Variants in UGT2B10 observed in about 807,000 individuals in gnomAD.
The protein encoded by UGT2B10 is UDP glucuronosyltransferase family 2 member B10.
A neutral mutation model predicts 43.7 loss-of-function variants in UGT2B10; 51 were observed. The ratio of observed to expected loss-of-function variants is 1.17; its 90% CI spans 0.93 to 1.47. UGT2B10 has a LOEUF of 1.47. Ranked by LOEUF, UGT2B10 falls within the 40% of genes most tolerant of loss-of-function variation. The pLI, the probability that UGT2B10 is intolerant of heterozygous loss-of-function variation, is 0.00. For synonymous variants in UGT2B10, 225 were observed against 209.0 expected (o/e 1.08, Z -0.66); for missense variants, 696 against 617.7 (o/e 1.13, Z -1.34).
chr4:68,831,031 G>C lies in UGT2B10; in HGVS notation c.*152G>C. 1 of 1,005,670 alleles carries C rather than the reference G, an allele frequency of 9.9e-7. No homozygotes were observed. The highest frequency in any genetic ancestry group is 1.4e-6 in the Non-Finnish European group (1 of 697,576). The allele number at this position is 1,005,670 out of a possible 1,614,324, so 62.3% of individuals were successfully genotyped here. On this transcript the variant is annotated 3_prime_UTR_variant, in exon 6 of 6. Coordinates refer to ENST00000265403, the MANE Select transcript of UGT2B10 (RefSeq NM_001075.6). ...TTGTCAAGTAAAAATTTGTTTTTCA[G>C]AGATTTACCACCCAGTTAATGGTTA...
chr4:68,822,635 G>A (rs879184587), intron 3 of UGT2B10, among the ~76,000 whole-genome samples: 4 of 152,032 alleles, frequency 2.6e-5, no homozygotes, highest in Non-Finnish European at 5.9e-5. Flanking sequence ...ATTCCTATTA[G>A]CATCAGTGGG....
chr4:68,819,904 A>G (rs1228334759), intron 2 of UGT2B10, among the ~76,000 whole-genome samples: 6 of 152,074 alleles, frequency 3.9e-5, no homozygotes, highest in South Asian at 2.1e-4. Context: ...TTATTATGCA[A>G]TCTCTTAAAA....
At chr4:68,828,908 T>C (rs192439126) in intron 5 of UGT2B10, among the ~76,000 whole-genome samples, 9 of 151,712 alleles carry the variant, frequency 5.9e-5, no homozygotes, top group African/African-American at 7.3e-5. Context: ...ATACTATTAC[T>C]AAAATATCTT....
Position 68,816,566 on chromosome 4 carries a change from A to C in UGT2B10, c.547A>C (p.Ser183Arg). Residue 183 changes from serine (S) to arginine (R), a missense_variant, in exon 1 of 6, where the codon AGT becomes CGT. By Grantham distance (110) the Ser-to-Arg change is moderately radical. Transcript: ENST00000265403. ...TCCTGGCTACTCATTTGAAAGGCACAGTGGAGGATTTATTTTCCCTCCTTC... is the reference window on the plus strand; with the variant it reads ...TCCTGGCTACTCATTTGAAAGGCACCGTGGAGGATTTATTTTCCCTCCTTC... The part of the protein sequence containing the change: ...FSPGYSFERH[S>R]GGFIFPPSYV... 6.2e-7 allele frequency: 1 copy of C among 1,613,152 alleles called. No individual in the cohort carries two copies. The highest frequency in any genetic ancestry group is 8.5e-7 in the Non-Finnish European group (1 of 1,179,396).
At position 68,829,231 on chromosome 4, in the gene UGT2B10, G is replaced by A. The variant is rs370298902; in HGVS notation, c.1308-1369G>A. Among the ~76,000 whole-genome samples, 367 of 152,100 alleles carry A rather than the reference G, an allele frequency of 2.4e-3. 6 individuals are homozygous for A. In the Middle Eastern group the frequency reaches 0.027, roughly 11 times the overall value. ...TTACACTAAAAAAAATAAACACTAA[G>A]GAGTACATATTATATAATTCAATTA... is the stretch of plus-strand genomic sequence containing the variant. On this transcript the variant is annotated intron_variant, in intron 5 of 5. Coordinates refer to ENST00000265403, the MANE Select transcript of UGT2B10 (RefSeq NM_001075.6).
intron 5 of UGT2B10, 22 bp downstream of exon 5, chr4:68,827,570 A>G: frequency 6.2e-7 from 1 of 1,612,690 alleles, no homozygotes; most frequent in Non-Finnish European, 8.5e-7. Flanking sequence ...AATATTTTTC[A>G]CTAGATGGTA....
chr4:68,828,402 G>A (rs933651044), intron 5 of UGT2B10, among the ~76,000 whole-genome samples: 1 of 151,558 alleles, frequency 6.6e-6, no homozygotes, highest in African/African-American at 2.4e-5. Flanking sequence ...TTTGTGTAAG[G>A]AGGGTATCAT....
intron 3 of UGT2B10, among the ~76,000 whole-genome samples, chr4:68,826,155 A>G (rs1004835902): frequency 7.2e-5 from 11 of 151,892 alleles, no homozygotes; most frequent in African/African-American, 2.7e-4. Flanking sequence ...AAGTATAAAA[A>G]TTTTCTAAAT....
intron 2 of UGT2B10, among the ~76,000 whole-genome samples, chr4:68,820,534 A>G (rs1737440187): frequency 6.6e-6 from 1 of 152,082 alleles, no homozygotes; most frequent in Non-Finnish European, 1.5e-5. Flanking sequence ...AATAATGATT[A>G]GAAACATATG....
rs757803082 is a variant in UGT2B10, at chr4:68,816,287, A to T, written c.268A>T (p.Met90Leu). ...TAAAACTGAATTTGAGAATATCATC[A>T]TGCAATTGGTTAAGAGATTGTCAGA... ...LTKTEFENII[M>L]QLVKRLSEIQ... is the part of the protein sequence containing the mutation. The change falls in exon 1 of 6, where the codon ATG (methionine) becomes TTG (leucine). Residue 90 changes from methionine to leucine, a missense_variant. Transcript: ENST00000265403. 2.5e-6 allele frequency: 4 copies of T among 1,613,184 alleles called. No homozygotes were observed. The highest frequency in any genetic ancestry group is 3.4e-6 in the Non-Finnish European group (4 of 1,179,442).
chr4:68,830,458 CAAATT>C, intron 5 of UGT2B10, 137 bp from the exon 6 acceptor site: 1 of 1,091,336 alleles, frequency 9.2e-7, no homozygotes. Flanking sequence ...TATGATGACT[CAAATT>C]AAAATACATA....
rs376847714 is a variant in UGT2B10, at chr4:68,822,421, C to T, written c.999+19C>T. The T allele has an allele frequency of 8.5e-4, 1,362 of 1,611,824 alleles. 4 individuals carry two copies. The highest frequency in any genetic ancestry group is 1.1e-3 in the South Asian group (97 of 90,810). ...ACAAAAGGTAAGATAAAGTGCCTTACTGGTGTGGAAAACTACTGAAAGAGG... is the reference window on the plus strand; with the variant it reads ...ACAAAAGGTAAGATAAAGTGCCTTATTGGTGTGGAAAACTACTGAAAGAGG... On this transcript the variant is annotated intron_variant, in intron 3 of 5. Transcript: ENST00000265403.
rs143010379 is a variant in UGT2B10, at chr4:68,827,418, C to T, written c.1177C>T (p.Pro393Ser). ...CCATGGGATCCCTATGGTGGGCATT[C>T]CATTGTTTTTTGATCAACCTGATAA... ...IYHGIPMVGI[P>S]LFFDQPDNIA... is the part of the protein sequence containing the mutation. The change falls in exon 5 of 6, where the codon CCA (proline) becomes TCA (serine). Residue 393 changes from proline to serine, a missense_variant. Pro to Ser is a moderately conservative substitution (Grantham distance 74). Coordinates refer to ENST00000265403, the MANE Select transcript of UGT2B10 (RefSeq NM_001075.6). The T allele has an allele frequency of 6.2e-7, 1 of 1,613,450 alleles. No individual in the cohort carries two copies. The highest frequency in any genetic ancestry group is 2.2e-5 in the East Asian group (1 of 44,832).
At chr4:68,822,152 C>A (rs1324438481) in intron 2 of UGT2B10, 119 bp from the exon 3 acceptor site, 21 of 1,423,410 alleles carry the variant, frequency 1.5e-5, no homozygotes, top group Non-Finnish European at 1.7e-5. Context: ...ATATTATTTA[C>A]TCCAATAATT....
chr4:68,829,478 T>C (rs1737973503), intron 5 of UGT2B10, among the ~76,000 whole-genome samples: 1 of 152,094 alleles, frequency 6.6e-6, no homozygotes, highest in Non-Finnish European at 1.5e-5. Flanking sequence ...CGTATATTTA[T>C]CTTTTGTATT....
intron 3 of UGT2B10, among the ~76,000 whole-genome samples, chr4:68,824,789 G>C (rs1737687101): frequency 6.6e-6 from 1 of 152,090 alleles, no homozygotes; most frequent in Non-Finnish European, 1.5e-5. Flanking sequence ...GTAGCACCTT[G>C]TCTAAGTGTT....
intron 3 of UGT2B10, among the ~76,000 whole-genome samples, chr4:68,823,756 C>A (rs993981426): frequency 5.9e-5 from 9 of 152,100 alleles, no homozygotes; most frequent in African/African-American, 1.9e-4. Context: ...TTTGGGAAAG[C>A]ACTAATTATC....
At chr4:68,829,792 G>A (rs1337326281) in intron 5 of UGT2B10, among the ~76,000 whole-genome samples, 2 of 152,062 alleles carry the variant, frequency 1.3e-5, no homozygotes, top group Non-Finnish European at 2.9e-5. Context: ...AAGACAGTGT[G>A]CAGGTAAAAG....
intron 1 of UGT2B10, among the ~76,000 whole-genome samples, chr4:68,817,551 C>T (rs2109683319): frequency 6.6e-6 from 1 of 151,794 alleles, no homozygotes; most frequent in East Asian, 1.9e-4. Flanking sequence ...GCCATACTCA[C>T]AAAATAGTCC....
Sources: allele counts gnomAD v4.1 joint callset (sites outside exome capture counted in the v4.1 genomes callset), GRCh38; gene constraint gnomAD v4.1.1; transcripts MANE v1.5; gene names NCBI Gene and HGNC (gene_info 2026-07-23, HGNC 2026-07-21).